Variants in MTUS2 observed in about 807,000 individuals in gnomAD.
MTUS2 encodes the protein microtubule-associated tumor suppressor candidate 2.
A neutral mutation model predicts 114.1 loss-of-function variants in MTUS2; 40 were observed. The ratio of observed to expected loss-of-function variants is 0.35; its 90% CI spans 0.27 to 0.46. The LOEUF is 0.46. MTUS2 is among the 20% of genes least tolerant of loss of function. The pLI is 1.00. For synonymous variants in MTUS2, 688 were observed against 672.0 expected, an observed-to-expected ratio of 1.02 and a Z score of -0.37; for missense variants, 1,679 against 1,705.4, an observed-to-expected ratio of 0.98 and a Z score of 0.27.
chr13:28,903,929 T>C (rs1163311707), intron 2 of MTUS2, among the ~76,000 whole-genome samples: 1 of 152,200 alleles, frequency 6.6e-6, no homozygotes, highest in Non-Finnish European at 1.5e-5. Context: ...ACCTGGTGTT[T>C]CCTGACTTTT....
intron 13 of MTUS2, 49 bp from the exon 14 acceptor site, chr13:29,498,369 G>A: frequency 6.2e-7 from 1 of 1,610,842 alleles, no homozygotes; most frequent in South Asian, 1.1e-5. Flanking sequence ...TTAATACTGG[G>A]TTTTGCCGGG....
At chr13:29,193,393 G>A (rs1443044708) in intron 5 of MTUS2, among the ~76,000 whole-genome samples, 2 of 151,956 alleles carry the variant, frequency 1.3e-5, no homozygotes, top group Middle Eastern at 3.2e-3. Flanking sequence ...AGCAACTTCA[G>A]CAAAGTCTCA....
intron 4 of MTUS2, among the ~76,000 whole-genome samples, chr13:29,093,279 C>T (rs916892105): frequency 1.3e-5 from 2 of 152,078 alleles, no homozygotes; most frequent in Admixed American, 6.6e-5. Flanking sequence ...CCCATCTCTA[C>T]TAAAAATACA....
At chr13:28,855,751 TTG>T (rs1245429589) in intron 2 of MTUS2, among the ~76,000 whole-genome samples, 3 of 152,216 alleles carry the variant, frequency 2.0e-5, no homozygotes, top group Admixed American at 2.0e-4. Context: ...GCATGTATCT[TTG>T]TAATAGAATG....
chr13:29,049,956 A>G (rs1396324204), intron 4 of MTUS2, among the ~76,000 whole-genome samples: 1 of 152,184 alleles, frequency 6.6e-6, no homozygotes, highest in African/African-American at 2.4e-5. Flanking sequence ...CTCAGGTCCT[A>G]AGGAGCTTCC....
Position 28,996,026 on chromosome 13 carries a change from A to C in MTUS2, c.-242-28431A>C, listed in dbSNP as rs181685623. On this transcript the variant is annotated intron_variant, in intron 2 of 15. Coordinates refer to ENST00000612955, the MANE Select transcript of MTUS2 (RefSeq NM_001033602.4). ...TTTGTCCATTCAGTATGATATTGGC[A>C]GTGGGTTTGTCATAGATAGCTCTTA... Among the ~76,000 whole-genome samples the C allele has an allele frequency of 1.7e-4, 26 of 152,262 alleles. No individual in the cohort carries two copies. The East Asian group carries it at 3.5e-3, about 20-fold the overall frequency.
At chr13:29,492,032 A>T (rs200458164) in intron 11 of MTUS2, among the ~76,000 whole-genome samples, 8 of 28,360 alleles carry the variant, frequency 2.8e-4, no homozygotes, top group African/African-American at 8.5e-4. Flanking sequence ...GTGTGTGTGT[A>T]GTGTGTGTGT....
intron 7 of MTUS2, among the ~76,000 whole-genome samples, chr13:29,327,521 C>G (rs1259515541): frequency 6.6e-6 from 1 of 152,154 alleles, no homozygotes; most frequent in Non-Finnish European, 1.5e-5. Context: ...GTTTTACTGG[C>G]TTCTTTCAAC....
At chr13:29,388,729 C>A (rs915449965) in intron 8 of MTUS2, among the ~76,000 whole-genome samples, 1 of 151,596 alleles carries the variant, frequency 6.6e-6, no homozygotes, top group African/African-American at 2.4e-5. Context: ...ACAAAGCAGG[C>A]ATTGTAAGTT....
chr13:29,346,987 C>A (rs1330965203), intron 7 of MTUS2, among the ~76,000 whole-genome samples: 1 of 151,578 alleles, frequency 6.6e-6, no homozygotes, highest in East Asian at 2.0e-4. Flanking sequence ...CCCTTTCACA[C>A]TTTAGACACT....
intron 2 of MTUS2, among the ~76,000 whole-genome samples, chr13:29,015,028 C>A (rs1886007955): frequency 6.6e-6 from 1 of 152,160 alleles, no homozygotes; most frequent in Non-Finnish European, 1.5e-5. Flanking sequence ...AGAAGCTAGA[C>A]CTAGAGGCCA....
At chr13:29,233,644 G>T (rs1896423001) in intron 5 of MTUS2, among the ~76,000 whole-genome samples, 3 of 152,194 alleles carry the variant, frequency 2.0e-5, no homozygotes, top group Admixed American at 1.3e-4. Context: ...CAGACATTTT[G>T]TATTTGTGGT....
intron 9 of MTUS2, among the ~76,000 whole-genome samples, chr13:29,455,162 C>T (rs1879011791): frequency 6.6e-6 from 1 of 152,174 alleles, no homozygotes; most frequent in African/African-American, 2.4e-5. Context: ...ACTGGGAATT[C>T]CTCTAGCTAC....
intron 5 of MTUS2, among the ~76,000 whole-genome samples, chr13:29,177,061 C>T (rs1278137750): frequency 6.6e-6 from 1 of 151,160 alleles, no homozygotes; most frequent in Non-Finnish European, 1.5e-5. Context: ...TAGACTTGCT[C>T]AGCCATCATT....
At chr13:29,379,062 G>T (rs1261894279) in intron 8 of MTUS2, among the ~76,000 whole-genome samples, 1 of 152,154 alleles carries the variant, frequency 6.6e-6, no homozygotes, top group African/African-American at 2.4e-5. Flanking sequence ...TGTGAAGAAG[G>T]ACGTGTTTGC....
intron 5 of MTUS2, among the ~76,000 whole-genome samples, chr13:29,153,037 A>G (rs900117194): frequency 6.6e-6 from 1 of 152,182 alleles, no homozygotes; most frequent in East Asian, 1.9e-4. Flanking sequence ...GACCCTGGAG[A>G]AATACCCTAA....
rs202189479 is a variant in MTUS2, at chr13:29,244,157, AT to A, written c.2645-37545del. 6.6e-3 allele frequency among the ~76,000 whole-genome samples: 1,005 copies of A among 152,294 alleles called. 45 individuals are homozygous for A. Among genetic ancestry groups the A allele is most frequent in the Admixed American group, 0.058 (888 of 15,300 alleles). On this transcript the variant is annotated intron_variant, in intron 5 of 15. Coordinates refer to ENST00000612955, the MANE Select transcript of MTUS2 (RefSeq NM_001033602.4). ...GAAAGGAGATAAAACTTTGGAATAC[AT>A]TCTGGAAGGAGTAGGGTGGGGAGTT...
intron 6 of MTUS2, among the ~76,000 whole-genome samples, chr13:29,286,850 C>T (rs1019247788): frequency 7.2e-5 from 11 of 152,082 alleles, no homozygotes; most frequent in South Asian, 4.2e-4. Flanking sequence ...ACCACCACAC[C>T]GGGCTAATTT....
At chr13:29,065,618 T>A (rs1438555312) in intron 4 of MTUS2, among the ~76,000 whole-genome samples, 2 of 152,196 alleles carry the variant, frequency 1.3e-5, no homozygotes, top group African/African-American at 4.8e-5. Flanking sequence ...TAGTCTGTTG[T>A]CTGTTAACTC....
Sources: gnomAD v4.1 joint callset for allele counts (sites outside exome capture counted in the v4.1 genomes callset) on GRCh38, gnomAD v4.1.1 for gene constraint, MANE v1.5 for transcripts, NCBI Gene and HGNC (gene_info 2026-07-23, HGNC 2026-07-21) for gene names.